The following CDKN3 variants were observed in gnomAD, a reference collection of about 807,000 sequenced individuals.
CDKN3 encodes the protein cyclin dependent kinase inhibitor 3, also known as cyclin-dependent kinase inhibitor 3.
In CDKN3, 19 loss-of-function variants were observed where a neutral mutation model predicts 36.1. The observed-to-expected ratio is 0.53, with a 90% confidence interval of 0.37 to 0.77. The LOEUF is 0.77. Ranked by LOEUF, CDKN3 falls within the 30% of genes least tolerant of loss-of-function variation. The pLI is 0.00. For missense variants in CDKN3, 188 were observed against 248.6 expected (o/e 0.76, Z 1.64); for synonymous variants, 71 against 85.3 (o/e 0.83, Z 0.92).
intron 5 of CDKN3, chr14:54,413,697 T>C: frequency 6.5e-7 from 1 of 1,534,596 alleles, no homozygotes; most frequent in Non-Finnish European, 8.7e-7. Context: ...ATAGAGCTTA[T>C]CCTTCAGCAA....
intron 2 of CDKN3, 98 bp downstream of exon 2, chr14:54,400,074 A>G: frequency 2.9e-6 from 2 of 697,388 alleles, no homozygotes; most frequent in Non-Finnish European, 5.2e-6. Context: ...TGTAGTTCAC[A>G]TATTGAAAAT....
chr14:54,416,458 T>C (rs2030553760), intron 6 of CDKN3, among the ~76,000 whole-genome samples: 2 of 152,144 alleles, frequency 1.3e-5, no homozygotes, highest in South Asian at 4.1e-4. Context: ...GAAAAAATAT[T>C]TGCAATCTAT....
At position 54,415,945 on chromosome 14, in the gene CDKN3, T is replaced by C; in HGVS notation, c.448+15T>C. The C allele has an allele frequency of 3.8e-6, 6 of 1,568,818 alleles. No individual in the cohort carries two copies. The highest frequency in any genetic ancestry group is 5.3e-6 in the Non-Finnish European group (6 of 1,139,440). ...ATCTTGTCTTGGTAAGAAATATATT[T>C]CTATTATTTTTTTAACCGCCAAATA... On this transcript the variant is annotated intron_variant, in intron 6 of 7. Coordinates refer to ENST00000335183, the MANE Select transcript of CDKN3 (RefSeq NM_005192.4).
intron 4 of CDKN3, chr14:54,411,176 C>CAAAAAAA (rs376186329): frequency 5.7e-5 from 7 of 123,568 alleles, no homozygotes; most frequent in African/African-American, 9.6e-5. Context: ...GACTCCATCT[C>CAAAAAAA]AAAAAAAAAA....
intron 7 of CDKN3, among the ~76,000 whole-genome samples, chr14:54,419,597 G>T (rs1353360979): frequency 6.6e-6 from 1 of 152,148 alleles, no homozygotes; most frequent in East Asian, 1.9e-4. Context: ...ATTGAGAAAT[G>T]GATTTTGTTA....
At chr14:54,397,868 C>CG (rs1428201862) in intron 1 of CDKN3, among the ~76,000 whole-genome samples, 1 of 152,188 alleles carries the variant, frequency 6.6e-6, no homozygotes, top group Non-Finnish European at 1.5e-5. Flanking sequence ...TGGTGTCTCG[C>CG]GCCTGTAATC....
chr14:54,411,386 G>T, intron 4 of CDKN3, 98 bp from the exon 5 acceptor site: 1 of 879,738 alleles, frequency 1.1e-6, no homozygotes, highest in Non-Finnish European at 1.7e-6. Context: ...GTATTAGTTT[G>T]GCTTAAGAAA....
At chr14:54,406,544 TTC>T (rs2030165615) in intron 3 of CDKN3, among the ~76,000 whole-genome samples, 2 of 152,016 alleles carry the variant, frequency 1.3e-5, no homozygotes, top group Admixed American at 1.3e-4. Flanking sequence ...TTCCTTTTAA[TTC>T]TTTTTTCTCT....
At chr14:54,402,283 G>A (rs2029977937) in intron 3 of CDKN3, among the ~76,000 whole-genome samples, 1 of 151,226 alleles carries the variant, frequency 6.6e-6, no homozygotes, top group Non-Finnish European at 1.5e-5. Flanking sequence ...TTTCATGGCT[G>A]AGTAGTATTC....
chr14:54,406,540 TTAATTCTTTTTTCTC>T (rs1010328159), intron 3 of CDKN3, among the ~76,000 whole-genome samples: 32 of 152,102 alleles, frequency 2.1e-4, no homozygotes, highest in Admixed American at 2.1e-3. Context: ...TTCATTCCTT[TTAATTCTTTTTTCTC>T]TAATTTTGTC....
chr14:54,407,509 G>A (rs2030202288), intron 3 of CDKN3, among the ~76,000 whole-genome samples: 1 of 152,224 alleles, frequency 6.6e-6, no homozygotes, highest in South Asian at 2.1e-4. Flanking sequence ...GCCCCTGACT[G>A]GAACTGCTGC....
At chr14:54,402,974 CAGGT>C (rs1448701134) in intron 3 of CDKN3, among the ~76,000 whole-genome samples, 3 of 152,168 alleles carry the variant, frequency 2.0e-5, no homozygotes, top group Admixed American at 2.0e-4. Context: ...AGTTTGAAGT[CAGGT>C]AGCGTGATGC....
intron 1 of CDKN3, 22 bp from the exon 2 acceptor site, chr14:54,399,872 T>C: frequency 7.6e-7 from 1 of 1,317,820 alleles, no homozygotes; most frequent in Non-Finnish European, 1.1e-6. Flanking sequence ...TACAGTTATT[T>C]AACATAACAT....
At chr14:54,416,758 T>C (rs892794675) in intron 6 of CDKN3, among the ~76,000 whole-genome samples, 3 of 152,116 alleles carry the variant, frequency 2.0e-5, no homozygotes, top group African/African-American at 7.2e-5. Flanking sequence ...AAGGCACCAG[T>C]GAACCGAGTT....
chr14:54,404,960 A>AG (rs537182404), intron 3 of CDKN3, among the ~76,000 whole-genome samples: 207 of 152,246 alleles, frequency 1.4e-3, no homozygotes, highest in Non-Finnish European at 2.4e-3. Context: ...TTGTGATGTT[A>AG]GGGTGTCAAT....
chr14:54,402,309 C>CAT (rs1555361562), intron 3 of CDKN3, among the ~76,000 whole-genome samples: 10 of 147,824 alleles, frequency 6.8e-5, no homozygotes, highest in South Asian at 4.3e-4. Flanking sequence ...CATGTGTGTG[C>CAT]GTGTGTGTGT....
chr14:54,402,668 T>C (rs2030000014), intron 3 of CDKN3, among the ~76,000 whole-genome samples: 2 of 152,172 alleles, frequency 1.3e-5, no homozygotes, highest in African/African-American at 4.8e-5. Flanking sequence ...TCTTCTACAG[T>C]TTTTAGAGTT....
Position 54,397,023 on chromosome 14 carries a change from C to A in CDKN3, c.-46C>A, listed in dbSNP as rs537029156. Reference sequence around the variant, plus strand: ...GGCCGGGGCACCGGTGAGTCGCCGGCGCTGCAGAGGGAGGCGGCACTGGTC... The same window carrying A: ...GGCCGGGGCACCGGTGAGTCGCCGGAGCTGCAGAGGGAGGCGGCACTGGTC... On this transcript the variant is annotated 5_prime_UTR_variant, in exon 1 of 8. Transcript: ENST00000335183. 1 of 1,459,682 alleles carries A rather than the reference C, an allele frequency of 6.9e-7. No individual in the cohort carries two copies. Among genetic ancestry groups the A allele is most frequent in the South Asian group, 1.4e-5 (1 of 73,174 alleles). The allele number at this position is 1,459,682 out of a possible 1,614,324, so 90.4% of individuals were successfully genotyped here. A position where few individuals can be genotyped will look rare whatever the true frequency, so the allele number is the denominator to read the frequency against.
intron 7 of CDKN3, 137 bp downstream of exon 7, chr14:54,418,088 A>G (rs1207739543): frequency 2.9e-6 from 2 of 686,980 alleles, no homozygotes; most frequent in African/African-American, 3.6e-5. Context: ...TGTTATTCAA[A>G]TACCACTTGC....
Sources: gnomAD v4.1 joint callset for allele counts (sites outside exome capture counted in the v4.1 genomes callset) on GRCh38, gnomAD v4.1.1 for gene constraint, MANE v1.5 for transcripts, NCBI Gene and HGNC (gene_info 2026-07-23, HGNC 2026-07-21) for gene names.